ITFG1: variants seen among roughly 807,000 people sequenced by gnomAD.
ITFG1 encodes the protein T-cell immunomodulatory protein.
ITFG1 carries 34 observed loss-of-function variants against 81.8 expected under a neutral mutation model. The ratio of observed to expected loss-of-function variants is 0.42; its 90% CI spans 0.32 to 0.55. ITFG1 has a LOEUF of 0.55. Ranked by LOEUF, ITFG1 falls within the 20% of genes least tolerant of loss-of-function variation. The pLI, the probability that ITFG1 is intolerant of heterozygous loss-of-function variation, is 0.17. For missense variants in ITFG1, 672 were observed against 755.4 expected (o/e 0.89, Z 1.29); for synonymous variants, 285 against 270.6 (o/e 1.05, Z -0.52).
intron 10 of ITFG1, among the ~76,000 whole-genome samples, chr16:47,310,610 T>A (rs768859973): frequency 6.6e-6 from 1 of 152,356 alleles, no homozygotes; most frequent in Admixed American, 6.5e-5. Flanking sequence ...GCAATAAATG[T>A]ACTCACAGTT....
intron 12 of ITFG1, among the ~76,000 whole-genome samples, chr16:47,245,770 T>C (rs115200608): frequency 0.02 from 3,090 of 152,160 alleles, 105 homozygotes; most frequent in African/African-American, 0.07. Flanking sequence ...CTTTTACAAA[T>C]AGTCTTCCTT....
At chr16:47,431,471 C>A (rs1969095004) in intron 5 of ITFG1, among the ~76,000 whole-genome samples, 1 of 152,176 alleles carries the variant, frequency 6.6e-6, no homozygotes, top group African/African-American at 2.4e-5. Context: ...ACCCCCACCA[C>A]CTGGCCTCTG....
At chr16:47,429,479 G>A (rs1343480348) in intron 5 of ITFG1, among the ~76,000 whole-genome samples, 1 of 152,116 alleles carries the variant, frequency 6.6e-6, no homozygotes, top group African/African-American at 2.4e-5. Context: ...GGTCATAGAG[G>A]AATATATGTT....
intron 7 of ITFG1, among the ~76,000 whole-genome samples, chr16:47,373,212 T>C (rs1968280510): frequency 6.6e-6 from 1 of 152,188 alleles, no homozygotes; most frequent in South Asian, 2.1e-4. Context: ...CTTGCCTGCC[T>C]TTTCCTCTTT....
chr16:47,179,553 A>G (rs1965074720), intron 14 of ITFG1, among the ~76,000 whole-genome samples: 1 of 152,210 alleles, frequency 6.6e-6, no homozygotes, highest in Non-Finnish European at 1.5e-5. Flanking sequence ...TGTACTGAGT[A>G]AAGTCACTAA....
At chr16:47,241,734 T>C (rs1965937128) in intron 12 of ITFG1, among the ~76,000 whole-genome samples, 1 of 152,048 alleles carries the variant, frequency 6.6e-6, no homozygotes, top group South Asian at 2.1e-4. Flanking sequence ...GGCAGGCGGA[T>C]CACGAGGTCA....
chr16:47,275,534 C>T (rs139208534), intron 10 of ITFG1, among the ~76,000 whole-genome samples: 3 of 152,162 alleles, frequency 2.0e-5, no homozygotes, highest in African/African-American at 7.2e-5. Flanking sequence ...CTGAATCCAA[C>T]TGCATGCTTG....
Position 47,451,383 on chromosome 16 carries a change from C to A in ITFG1, c.560+13G>T. On this transcript the variant is annotated intron_variant, in intron 5 of 17. Coordinates refer to ENST00000320640, the MANE Select transcript of ITFG1 (RefSeq NM_030790.5). ...ATACGATTAATTACATAGTTATAAC[C>A]ATATTTACTCACCCTCCTAATAGTA... The A allele has an allele frequency of 7.2e-7, 1 of 1,397,230 alleles. No homozygotes were observed. Among genetic ancestry groups the A allele is most frequent in the Non-Finnish European group, 1.0e-6 (1 of 990,706 alleles). 86.6% of individuals were successfully genotyped at this position (1,397,230 alleles called of 1,614,324 possible). A position where few individuals can be genotyped will look rare whatever the true frequency, so the allele number is the denominator to read the frequency against.
At chr16:47,368,872 T>C (rs554970283) in intron 7 of ITFG1, among the ~76,000 whole-genome samples, 12 of 152,308 alleles carry the variant, frequency 7.9e-5, no homozygotes, top group African/African-American at 2.9e-4. Context: ...AGAAGAGCAA[T>C]GCCCACTTCC....
At chr16:47,289,680 T>C (rs1383635110) in intron 10 of ITFG1, among the ~76,000 whole-genome samples, 1 of 152,148 alleles carries the variant, frequency 6.6e-6, no homozygotes, top group Non-Finnish European at 1.5e-5. Flanking sequence ...ATTTCTGTGA[T>C]ATCAATTTTA....
intron 7 of ITFG1, among the ~76,000 whole-genome samples, chr16:47,370,030 C>T (rs901744665): frequency 1.5e-4 from 23 of 151,830 alleles, no homozygotes; most frequent in African/African-American, 4.8e-4. Flanking sequence ...TTAGTACGGA[C>T]GGGGTTTCAC....
chr16:47,201,261 T>C (rs1374732766), intron 14 of ITFG1, among the ~76,000 whole-genome samples: 2 of 150,330 alleles, frequency 1.3e-5, no homozygotes, highest in Non-Finnish European at 2.9e-5. Flanking sequence ...CAGGCTGGAG[T>C]GCAGTGGTGA....
chr16:47,275,494 G>C (rs1205018695), intron 10 of ITFG1, among the ~76,000 whole-genome samples: 2 of 152,144 alleles, frequency 1.3e-5, no homozygotes, highest in Non-Finnish European at 2.9e-5. Context: ...TCACGTACAT[G>C]CTGGAGTTAA....
At chr16:47,174,953 T>C (rs913536296) in intron 14 of ITFG1, among the ~76,000 whole-genome samples, 1 of 152,256 alleles carries the variant, frequency 6.6e-6, no homozygotes, top group Non-Finnish European at 1.5e-5. Context: ...CACATTCAGA[T>C]AATCAATATT....
chr16:47,408,392 G>A (rs1437410919), intron 6 of ITFG1, among the ~76,000 whole-genome samples: 1 of 152,168 alleles, frequency 6.6e-6, no homozygotes, highest in Non-Finnish European at 1.5e-5. Flanking sequence ...CTGAGTGTGA[G>A]CTTACAAGTT....
intron 14 of ITFG1, among the ~76,000 whole-genome samples, chr16:47,200,496 C>T (rs1005790974): frequency 4.6e-5 from 7 of 152,114 alleles, no homozygotes; most frequent in African/African-American, 1.4e-4. Flanking sequence ...TTATTTCCTA[C>T]ATTATATTTT....
chr16:47,164,874 C>G (rs1316492010), intron 14 of ITFG1, among the ~76,000 whole-genome samples: 5 of 152,236 alleles, frequency 3.3e-5, no homozygotes, highest in African/African-American at 1.2e-4. Context: ...TACTGCACTA[C>G]TCAGTTGAGA....
chr16:47,271,716 G>T (rs1322056312), intron 10 of ITFG1, among the ~76,000 whole-genome samples: 2 of 152,156 alleles, frequency 1.3e-5, no homozygotes, highest in African/African-American at 4.8e-5. Context: ...ACAATTAGCT[G>T]GGCGTGGTGG....
intron 6 of ITFG1, among the ~76,000 whole-genome samples, chr16:47,387,375 T>C (rs2151594508): frequency 6.6e-6 from 1 of 152,350 alleles, no homozygotes; most frequent in Middle Eastern, 3.4e-3. Flanking sequence ...CAGTATATTA[T>C]TGTGGAAAAG....
Sources: allele counts gnomAD v4.1 joint callset (sites outside exome capture counted in the v4.1 genomes callset), GRCh38; gene constraint gnomAD v4.1.1; transcripts MANE v1.5; gene names NCBI Gene and HGNC (gene_info 2026-07-23, HGNC 2026-07-21).